CCBE1: variants seen among roughly 807,000 people sequenced by gnomAD.
CCBE1 encodes collagen and calcium-binding EGF domain-containing protein 1.
In CCBE1, 37 loss-of-function variants were observed where a neutral mutation model predicts 50.0. The ratio of observed to expected loss-of-function variants is 0.74; its 90% CI spans 0.57 to 0.97. The LOEUF (loss-of-function observed/expected upper bound fraction) is 0.97, where lower values mean the gene tolerates loss of function less well. Ranked by LOEUF, CCBE1 falls within the 50% of genes least tolerant of loss-of-function variation. The pLI, the probability that CCBE1 is intolerant of heterozygous loss-of-function variation, is 0.00. For missense variants in CCBE1, 538 were observed against 523.8 expected (o/e 1.03, Z -0.26); for synonymous variants, 234 against 203.7 (o/e 1.15, Z -1.27).
At chr18:59,684,862 G>A (rs939484293) in intron 2 of CCBE1, among the ~76,000 whole-genome samples, 5 of 152,140 alleles carry the variant, frequency 3.3e-5, no homozygotes, top group South Asian at 2.1e-4. Flanking sequence ...ACTCAAGCCC[G>A]TAAGAAGCCT....
chr18:59,571,218 T>G (rs1358070490), intron 2 of CCBE1, among the ~76,000 whole-genome samples: 1 of 152,168 alleles, frequency 6.6e-6, no homozygotes, highest in African/African-American at 2.4e-5. Context: ...TTTACATTAT[T>G]ATGTAACTTT....
At chr18:59,510,713 C>T (rs1485719332) in intron 2 of CCBE1, among the ~76,000 whole-genome samples, 1 of 152,360 alleles carries the variant, frequency 6.6e-6, no homozygotes, top group South Asian at 2.1e-4. Flanking sequence ...GGAGCCACCA[C>T]ACCCGGCCAG....
chr18:59,513,201 G>A (rs533673508), intron 2 of CCBE1, among the ~76,000 whole-genome samples: 1 of 152,260 alleles, frequency 6.6e-6, no homozygotes, highest in African/African-American at 2.4e-5. Context: ...CCAGCTACTC[G>A]GGAGGCTGAG....
At chr18:59,489,122 G>T (rs1456514662) in intron 2 of CCBE1, among the ~76,000 whole-genome samples, 1 of 152,242 alleles carries the variant, frequency 6.6e-6, no homozygotes, top group African/African-American at 2.4e-5. Context: ...TGAAGCATTT[G>T]ACTTCTTATG....
At chr18:59,447,075 G>A (rs1037196473) in intron 7 of CCBE1, among the ~76,000 whole-genome samples, 3 of 152,020 alleles carry the variant, frequency 2.0e-5, no homozygotes, top group African/African-American at 7.3e-5. Flanking sequence ...TATATTTCCT[G>A]ATGAAATGAT....
chr18:59,690,460 G>A (rs1435111894), intron 2 of CCBE1, among the ~76,000 whole-genome samples: 4 of 152,142 alleles, frequency 2.6e-5, no homozygotes, highest in East Asian at 1.9e-4. Context: ...AAGGAGCTCC[G>A]GTCCTGCTGA....
intron 2 of CCBE1, among the ~76,000 whole-genome samples, chr18:59,529,951 A>G (rs1019336701): frequency 2.6e-5 from 4 of 152,244 alleles, no homozygotes; most frequent in African/African-American, 7.2e-5. Flanking sequence ...AGCAAGTATC[A>G]GAACAACTTG....
chr18:59,513,581 CCAT>C (rs1273693948), intron 2 of CCBE1, among the ~76,000 whole-genome samples: 9 of 152,182 alleles, frequency 5.9e-5, no homozygotes, highest in African/African-American at 2.2e-4. Context: ...GCTCCTAGTT[CCAT>C]CAAGGAAGAC....
chr18:59,494,522 A>ATT (rs5825341), intron 2 of CCBE1, among the ~76,000 whole-genome samples: 1 of 149,590 alleles, frequency 6.7e-6, no homozygotes, highest in African/African-American at 2.4e-5. Context: ...ATGAGGACAG[A>ATT]TTTTTTTTTT....
chr18:59,502,180 T>TC (rs59047804), intron 2 of CCBE1, among the ~76,000 whole-genome samples: 1,766 of 152,214 alleles, frequency 0.012, 28 homozygotes, highest in African/African-American at 0.04. Flanking sequence ...TGTCCTTTTC[T>TC]CCCACCTTGC....
At chr18:59,570,549 C>T (rs1599023251) in intron 2 of CCBE1, among the ~76,000 whole-genome samples, 1 of 152,292 alleles carries the variant, frequency 6.6e-6, no homozygotes, top group Non-Finnish European at 1.5e-5. Flanking sequence ...AAGCTCCAGA[C>T]AGCAGTGAGC....
intron 2 of CCBE1, among the ~76,000 whole-genome samples, chr18:59,565,460 C>G (rs1346587230): frequency 6.6e-6 from 1 of 152,076 alleles, no homozygotes; most frequent in Admixed American, 6.5e-5. Context: ...TAACCAGGGG[C>G]GAGGGGCAGG....
chr18:59,628,540 A>T (rs2053815046), intron 2 of CCBE1, among the ~76,000 whole-genome samples: 2 of 152,152 alleles, frequency 1.3e-5, no homozygotes, highest in South Asian at 4.1e-4. Flanking sequence ...CAGGGCTGCC[A>T]TGGACATTCC....
intron 2 of CCBE1, among the ~76,000 whole-genome samples, chr18:59,532,390 T>C (rs541121963): frequency 6.6e-5 from 10 of 152,322 alleles, no homozygotes; most frequent in East Asian, 3.9e-4. Flanking sequence ...AGGACCTGTG[T>C]TGATAAACGT....
chr18:59,485,642 G>T (rs1912785552), intron 2 of CCBE1, among the ~76,000 whole-genome samples: 1 of 147,162 alleles, frequency 6.8e-6, no homozygotes, highest in African/African-American at 2.6e-5. Context: ...ATGGAGCATT[G>T]CTCTGTTGCA....
intron 2 of CCBE1, among the ~76,000 whole-genome samples, chr18:59,538,926 C>G (rs539930704): frequency 2.6e-5 from 4 of 152,260 alleles, no homozygotes; most frequent in African/African-American, 9.6e-5. Context: ...ACCTGTAATC[C>G]CAGCACTTTG....
rs191436770 is a variant in CCBE1, at chr18:59,660,829, A to G, written c.212+35800T>C. Among the ~76,000 whole-genome samples, 31 of 152,362 alleles carry G rather than the reference A, an allele frequency of 2.0e-4. No homozygotes were observed. In the East Asian group the frequency reaches 4.0e-3, roughly 20 times the overall value. On this transcript the variant is annotated intron_variant, in intron 2 of 10. Coordinates refer to ENST00000439986, the MANE Select transcript of CCBE1 (RefSeq NM_133459.4). Reference sequence around the variant, plus strand: ...CAGCAAGAACTCTTCTCTCATTGGAATAACTATAATTCTGTGGCCAAAAGG... The same window carrying G: ...CAGCAAGAACTCTTCTCTCATTGGAGTAACTATAATTCTGTGGCCAAAAGG...
At chr18:59,521,438 TC>T (rs976874896) in intron 2 of CCBE1, among the ~76,000 whole-genome samples, 2 of 152,226 alleles carry the variant, frequency 1.3e-5, no homozygotes, top group African/African-American at 4.8e-5. Flanking sequence ...TGTTTTTTTT[TC>T]TTTCTTCAGG....
In CCBE1 at chr18:59,469,454, A is replaced by C; in HGVS notation, c.400+19T>G. ...AGGCACATGTTCAGAAGCTGGAAAC[A>C]AGCACATTCCCAACACACCCAGACA... is the stretch of plus-strand genomic sequence containing the variant. On this transcript the variant is annotated intron_variant, in intron 4 of 10. Coordinates refer to ENST00000439986, the MANE Select transcript of CCBE1 (RefSeq NM_133459.4). 6.2e-7 allele frequency: 1 copy of C among 1,614,150 alleles called. No homozygotes were observed. Among genetic ancestry groups the C allele is most frequent in the South Asian group, 1.1e-5 (1 of 91,078 alleles).
Sources: allele counts gnomAD v4.1 joint callset (sites outside exome capture counted in the v4.1 genomes callset), GRCh38; gene constraint gnomAD v4.1.1; transcripts MANE v1.5; gene names NCBI Gene and HGNC (gene_info 2026-07-23, HGNC 2026-07-21).